OSBPL9: variants seen among roughly 807,000 people sequenced by gnomAD.
OSBPL9 encodes the protein oxysterol-binding protein-related protein 9.
In OSBPL9, 40 loss-of-function variants were observed where a neutral mutation model predicts 106.6. The ratio of observed to expected loss-of-function variants is 0.38; its 90% CI spans 0.29 to 0.49. The LOEUF (loss-of-function observed/expected upper bound fraction) is 0.49, where lower values mean the gene tolerates loss of function less well. Ranked by LOEUF, OSBPL9 falls within the 20% of genes least tolerant of loss-of-function variation. The pLI is 0.97. For missense variants in OSBPL9, 609 were observed against 887.2 expected, an observed-to-expected ratio of 0.69 and a Z score of 3.98; for synonymous variants, 269 against 295.4, an observed-to-expected ratio of 0.91 and a Z score of 0.92.
intron 2 of OSBPL9, among the ~76,000 whole-genome samples, chr1:51,608,678 G>GC (rs1643965385): frequency 1.2e-5 from 1 of 85,322 alleles, no homozygotes; most frequent in African/African-American, 5.7e-5. Context: ...TTCCTGGATT[G>GC]GGGGGGGGGG....
intron 2 of OSBPL9, among the ~76,000 whole-genome samples, chr1:51,604,541 G>A (rs1264996186): frequency 6.6e-6 from 1 of 151,608 alleles, no homozygotes; most frequent in Admixed American, 6.6e-5. Context: ...GGGTGACAGA[G>A]TGAGACTCTG....
chr1:51,691,397 A>G (rs576257213), intron 3 of OSBPL9, among the ~76,000 whole-genome samples: 1 of 148,992 alleles, frequency 6.7e-6, no homozygotes, highest in East Asian at 2.0e-4. Context: ...CTCCTGCCTC[A>G]GCCTCTTGAG....
intron 3 of OSBPL9, among the ~76,000 whole-genome samples, chr1:51,712,686 A>G (rs1171491998): frequency 6.6e-6 from 1 of 152,188 alleles, no homozygotes; most frequent in African/African-American, 2.4e-5. Context: ...TTTATGCAAT[A>G]ATCTGGAGCT....
intron 1 of OSBPL9, among the ~76,000 whole-genome samples, chr1:51,627,817 C>T (rs1234663936): frequency 3.3e-5 from 5 of 151,876 alleles, no homozygotes; most frequent in Admixed American, 1.3e-4. Flanking sequence ...TGCATTTACT[C>T]GACAGCACTC....
intron 3 of OSBPL9, among the ~76,000 whole-genome samples, chr1:51,702,037 C>T (rs911464131): frequency 6.6e-6 from 1 of 152,138 alleles, no homozygotes; most frequent in African/African-American, 2.4e-5. Flanking sequence ...TTTCTTAATC[C>T]AGTCTATCGT....
upstream of OSBPL9, among the ~76,000 whole-genome samples, chr1:51,572,569 C>A (rs1645157083): frequency 6.6e-6 from 1 of 152,022 alleles, no homozygotes; most frequent in Non-Finnish European, 1.5e-5. Context: ...TTTTTAAAAT[C>A]CTAGGGGGTT....
At chr1:51,716,375 C>T (rs1345215606) in intron 4 of OSBPL9, among the ~76,000 whole-genome samples, 2 of 152,230 alleles carry the variant, frequency 1.3e-5, no homozygotes, top group Non-Finnish European at 2.9e-5. Context: ...AACTTACTGT[C>T]TCTGAGTTTC....
chr1:51,717,241 A>G (rs1661235333), intron 4 of OSBPL9, among the ~76,000 whole-genome samples: 1 of 152,196 alleles, frequency 6.6e-6, no homozygotes, highest in African/African-American at 2.4e-5. Flanking sequence ...TGCTGAGATT[A>G]TAGGCATGAG....
chr1:51,626,063 G>T (rs1644746124), intron 1 of OSBPL9, among the ~76,000 whole-genome samples: 1 of 152,006 alleles, frequency 6.6e-6, no homozygotes, highest in East Asian at 1.9e-4. Context: ...TCTTAGTATT[G>T]TTATGGCACA....
upstream of OSBPL9, among the ~76,000 whole-genome samples, chr1:51,576,780 G>A (rs1344942440): frequency 6.6e-6 from 1 of 152,104 alleles, no homozygotes; most frequent in Non-Finnish European, 1.5e-5. Flanking sequence ...TACTTCCTTG[G>A]CCTCCCAAAG....
rs1475712345 is a variant in OSBPL9 at position 51,787,376 on chromosome 1, A to G, written c.2024A>G (p.Asn675Ser). 6.2e-7 allele frequency: 1 copy of G among 1,614,012 alleles called. No homozygotes were observed. The highest frequency in any genetic ancestry group is 1.7e-5 in the Admixed American group (1 of 60,008). The change falls in exon 23 of 24, where the codon AAC becomes AGC. Residue 675 changes from asparagine to serine, a missense_variant. Asn to Ser is a conservative substitution (Grantham distance 46, BLOSUM62 1). This residue lies in a region of OSBPL9 where 132 missense variants were observed against 158.1 expected (regional missense o/e 0.83). Coordinates refer to ENST00000428468, the MANE Select transcript of OSBPL9 (RefSeq NM_024586.6). Reference protein sequence around the residue: ...SRSLWKDVTFNLKIRDIDAAT... With the variant: ...SRSLWKDVTFSLKIRDIDAAT... Reference sequence around the variant, plus strand: ...AGCCTTTGGAAGGATGTCACTTTCAACTTAAAAATCAGAGACATTGATGCA... The same window carrying G: ...AGCCTTTGGAAGGATGTCACTTTCAGCTTAAAAATCAGAGACATTGATGCA...
chr1:51,594,395 C>T (rs990987223), intron 1 of OSBPL9, among the ~76,000 whole-genome samples: 1 of 151,346 alleles, frequency 6.6e-6, no homozygotes, highest in African/African-American at 2.4e-5. Flanking sequence ...GAGTGAGACT[C>T]CATCTCAAAA....
chr1:51,673,688 G>A (rs996704126), intron 3 of OSBPL9, among the ~76,000 whole-genome samples: 1 of 152,110 alleles, frequency 6.6e-6, no homozygotes, highest in African/African-American at 2.4e-5. Context: ...GGAGGAAAAT[G>A]GACTAGATTT....
At chr1:51,784,205 A>AG in intron 18 of OSBPL9, 59 bp from the exon 19 acceptor site, 1 of 1,555,372 alleles carries the variant, frequency 6.4e-7, no homozygotes, top group Non-Finnish European at 8.9e-7. Flanking sequence ...CAGCTCGACA[A>AG]GAAAGCCTTG....
chr1:51,737,514 G>T (rs1213446639), intron 4 of OSBPL9, among the ~76,000 whole-genome samples: 1 of 148,360 alleles, frequency 6.7e-6, no homozygotes, highest in Non-Finnish European at 1.5e-5. Context: ...CAGGTGTTTT[G>T]TTTCTTTTGT....
Position 51,761,925 on chromosome 1 carries a change from G to T in OSBPL9, c.732G>T (p.Val244=), listed in dbSNP as rs145526620. Reference sequence around the variant, plus strand: ...CATCTTCCCTACCAGTTGGACCTGTGTTGGCTACCTTGGGACATCATCAGA... The same window carrying T: ...CATCTTCCCTACCAGTTGGACCTGTTTTGGCTACCTTGGGACATCATCAGA... ...QRPSSLPVGP[V]LATLGHHQTP... is the part of the protein sequence containing the mutation. Residue 244 remains valine (V), a synonymous_variant, in exon 11 of 24, where the codon GTG becomes GTT. Transcript: ENST00000428468. 4.3e-6 allele frequency: 7 copies of T among 1,613,756 alleles called. No homozygotes were observed. Among genetic ancestry groups the T allele is most frequent in the East Asian group, 2.2e-5 (1 of 44,852 alleles).
upstream of OSBPL9, among the ~76,000 whole-genome samples, chr1:51,574,996 C>T (rs572514741): frequency 2.6e-5 from 4 of 152,298 alleles, no homozygotes; most frequent in African/African-American, 9.6e-5. Context: ...GGTCTTGGCA[C>T]TCCAACCAAA....
chr1:51,787,568 ACACTGT>A, intron 23 of OSBPL9, 80 bp downstream of exon 23: 2 of 1,605,824 alleles, frequency 1.2e-6, no homozygotes, highest in Non-Finnish European at 1.7e-6. Flanking sequence ...GATGTGCCAA[ACACTGT>A]TTATAAACAA....
At chr1:51,562,591 C>G in the OSBPL9 span, among the ~76,000 whole-genome samples, 1 of 152,202 alleles carries the variant, frequency 6.6e-6, no homozygotes, top group African/African-American at 2.4e-5. Flanking sequence ...GAGCTTCTTT[C>G]CCTTTCTTTG....
Sources: allele counts gnomAD v4.1 joint callset (sites outside exome capture counted in the v4.1 genomes callset), GRCh38; gene constraint gnomAD v4.1.1; regional missense constraint gnomAD v4.1.1; transcripts MANE v1.5; gene names NCBI Gene and HGNC (gene_info 2026-07-23, HGNC 2026-07-21).